The following APP variants were observed in gnomAD, a reference collection of about 807,000 sequenced individuals.
The protein encoded by APP is amyloid-beta precursor protein.
A neutral mutation model predicts 101.4 loss-of-function variants in APP; 31 were observed. The observed-to-expected ratio is 0.31, with a 90% CI of 0.23 to 0.41. The LOEUF (loss-of-function observed/expected upper bound fraction) is 0.41. APP is among the 10% of genes least tolerant of loss of function. The pLI is 1.00. For missense variants in APP, 839 were observed against 1,003.7 expected (o/e 0.84, Z 2.22); for synonymous variants, 366 against 364.4 (o/e 1.00, Z -0.05).
chr21:26,112,245 C>T lies in APP; in HGVS notation c.58-99G>A. 3 of 1,302,324 alleles carry T rather than the reference C, an allele frequency of 2.3e-6. No individual in the cohort carries two copies. In the East Asian group the frequency reaches 6.9e-5, roughly 30 times the overall value. The allele number at this position is 1,302,324 out of a possible 1,614,324, so 80.7% of individuals were successfully genotyped here. A position where few individuals can be genotyped will look rare whatever the true frequency, so the allele number is the denominator to read the frequency against. On this transcript the variant is annotated intron_variant, in intron 1 of 17. Transcript: ENST00000346798. ...ACTATCAAAAAGAGTTCTATTCTTGCTCATTCTCAATTAGGAATCAGCCCG... is the reference window on the plus strand; with the variant it reads ...ACTATCAAAAAGAGTTCTATTCTTGTTCATTCTCAATTAGGAATCAGCCCG...
At chr21:26,031,567 A>G (rs12626594) in intron 5 of APP, among the ~76,000 whole-genome samples, 16,360 of 151,968 alleles carry the variant, frequency 0.11, 1,339 homozygotes, top group East Asian at 0.32. Flanking sequence ...GCAAGAGAAA[A>G]ATGAGGAAAA....
At chr21:26,099,516 G>A (rs966273400) in intron 2 of APP, among the ~76,000 whole-genome samples, 1 of 152,170 alleles carries the variant, frequency 6.6e-6, no homozygotes, top group African/African-American at 2.4e-5. Flanking sequence ...CATTCAAAGA[G>A]TATATTAATC....
At position 25,951,748 on chromosome 21, in the gene APP, GA is replaced by G. The variant is rs2041086083; in HGVS notation, c.1687+2841del. ...CTAAAAGCAACACTTTTTATTATGA[GA>G]AATTTTAAACACATACAAAAGTAAA... is the stretch of plus-strand genomic sequence containing the variant. On this transcript the variant is annotated intron_variant, in intron 13 of 17. Transcript: ENST00000346798. Among the ~76,000 whole-genome samples, 3 of 152,130 alleles carry G rather than the reference GA, an allele frequency of 2.0e-5. No individual in the cohort carries two copies. The South Asian group carries it at 6.2e-4, about 32-fold the overall frequency.
chr21:25,988,380 G>C (rs995889065), intron 8 of APP, among the ~76,000 whole-genome samples: 1 of 152,070 alleles, frequency 6.6e-6, no homozygotes, highest in East Asian at 1.9e-4. Context: ...GGCTGCTATG[G>C]GACAAAAGTA....
chr21:26,040,235 G>C (rs1046705299), intron 5 of APP, among the ~76,000 whole-genome samples: 3 of 152,098 alleles, frequency 2.0e-5, no homozygotes, highest in African/African-American at 7.2e-5. Context: ...TTGGATTTTA[G>C]GGCATTTCAG....
rs547148750 is a variant in APP at position 25,935,781 on chromosome 21, A to G, written c.1687+18809T>C. On this transcript the variant is annotated intron_variant, in intron 13 of 17. Transcript: ENST00000346798. ...TTTGAAACCGGGAGGCGGAGGCTGT[A>G]GTGAGCCGAGATCGTGCCACTGCAT... is the stretch of plus-strand genomic sequence containing the variant. 2.8e-3 allele frequency among the ~76,000 whole-genome samples: 378 copies of G among 137,350 alleles called. 3 individuals are homozygous for G. Among genetic ancestry groups the G allele is most frequent in the African/African-American group, 9.6e-3 (359 of 37,344 alleles). The allele number at this position is 137,350 out of a possible 152,430, so 90.1% of individuals were successfully genotyped here.
intron 14 of APP, among the ~76,000 whole-genome samples, chr21:25,909,156 G>A (rs1238047217): frequency 4.6e-5 from 7 of 151,724 alleles, no homozygotes; most frequent in African/African-American, 7.3e-5. Flanking sequence ...CCAGCTACTC[G>A]GGAGGCTGAA....
At chr21:25,976,086 C>A in intron 9 of APP, 58 bp from the exon 10 acceptor site, 1 of 1,360,274 alleles carries the variant, frequency 7.4e-7, no homozygotes, top group South Asian at 1.2e-5. Context: ...TGAATACAGA[C>A]TTAATAGGAT....
intron 13 of APP, among the ~76,000 whole-genome samples, chr21:25,918,638 G>C (rs1453336484): frequency 2.0e-5 from 3 of 151,854 alleles, no homozygotes; most frequent in Non-Finnish European, 4.4e-5. Flanking sequence ...CTGGAAAATC[G>C]GGTCACTCCC....
intron 5 of APP, among the ~76,000 whole-genome samples, chr21:26,037,482 T>TA (rs1239390388): frequency 6.6e-6 from 1 of 152,192 alleles, no homozygotes; most frequent in Non-Finnish European, 1.5e-5. Context: ...TGTCAATTTT[T>TA]AAAAATAAAA....
chr21:25,955,735 C>A lies in APP; in HGVS notation c.1479G>T (p.Met493Ile). Residue 493 changes from methionine to isoleucine, a missense_variant, in exon 12 of 18, where the codon ATG becomes ATT. By Grantham distance (10) the Met-to-Ile change is conservative. Transcript: ENST00000346798. The stretch of plus-strand genomic sequence containing the variant: ...GTTCTGCGCGGACATACTTCTTTAG[C>A]ATATTGAACACGTGACGAGGCTGTG... ...VPPRPRHVFN[M>I]LKKYVRAEQK... is the part of the protein sequence containing the mutation. The A allele has an allele frequency of 6.2e-7, 1 of 1,614,160 alleles. No individual in the cohort carries two copies. Among genetic ancestry groups the A allele is most frequent in the Non-Finnish European group, 8.5e-7 (1 of 1,180,022 alleles).
At chr21:26,030,180 T>C (rs749556020) in intron 5 of APP, among the ~76,000 whole-genome samples, 1 of 152,194 alleles carries the variant, frequency 6.6e-6, no homozygotes, top group Non-Finnish European at 1.5e-5. Context: ...GGACAGTTTA[T>C]AGGAAAACTG....
intron 6 of APP, among the ~76,000 whole-genome samples, chr21:26,000,916 GTAT>G (rs368060178): frequency 1.6e-3 from 237 of 150,876 alleles, no homozygotes; most frequent in African/African-American, 5.0e-3. Context: ...CTATAACAAC[GTAT>G]TATTAATTCT....
At chr21:26,040,596 C>T (rs1182454466) in intron 5 of APP, among the ~76,000 whole-genome samples, 2 of 144,024 alleles carry the variant, frequency 1.4e-5, no homozygotes, top group Admixed American at 7.2e-5. Flanking sequence ...AGTGAGACTC[C>T]GTCTCCATTA....
chr21:26,075,074 G>T (rs1386076969), intron 3 of APP, among the ~76,000 whole-genome samples: 1 of 152,178 alleles, frequency 6.6e-6, no homozygotes, highest in Non-Finnish European at 1.5e-5. Flanking sequence ...TTTTAGGCAT[G>T]TGAAATTGCT....
At chr21:25,988,926 C>A (rs1601127829) in intron 8 of APP, among the ~76,000 whole-genome samples, 1 of 152,212 alleles carries the variant, frequency 6.6e-6, no homozygotes, top group East Asian at 1.9e-4. Context: ...AATACTGATA[C>A]ACGCATGCTT....
intron 5 of APP, among the ~76,000 whole-genome samples, chr21:26,025,849 G>T (rs1385680991): frequency 6.6e-6 from 1 of 152,200 alleles, no homozygotes; most frequent in Non-Finnish European, 1.5e-5. Flanking sequence ...ATTAAATTTA[G>T]ATGTCCATGA....
At chr21:26,085,730 G>A (rs1474619782) in intron 3 of APP, among the ~76,000 whole-genome samples, 1 of 152,140 alleles carries the variant, frequency 6.6e-6, no homozygotes, top group African/African-American at 2.4e-5. Flanking sequence ...CCATGCTAAA[G>A]AAGATAGCTG....
At chr21:25,966,681 A>G (rs1395880864) in intron 11 of APP, among the ~76,000 whole-genome samples, 1 of 152,206 alleles carries the variant, frequency 6.6e-6, no homozygotes, top group African/African-American at 2.4e-5. Flanking sequence ...TTATAAGATA[A>G]TTTCTTTTGC....
Sources: allele counts gnomAD v4.1 joint callset (sites outside exome capture counted in the v4.1 genomes callset), GRCh38; gene constraint gnomAD v4.1.1; transcripts MANE v1.5; gene names NCBI Gene and HGNC (gene_info 2026-07-23, HGNC 2026-07-21).